The following CAMK4 variants were observed in gnomAD, a reference collection of about 807,000 sequenced individuals.
CAMK4 encodes calcium/calmodulin dependent protein kinase IV.
A neutral mutation model predicts 44.9 loss-of-function variants in CAMK4; 22 were observed. The observed-to-expected ratio is 0.49, with a 90% CI of 0.35 to 0.70. The LOEUF is 0.70. Among genes scored for constraint, CAMK4 ranks in the 30% least tolerant of loss-of-function variants. The pLI, the probability that CAMK4 is intolerant of heterozygous loss-of-function variation, is 0.01. For synonymous variants in CAMK4, 218 were observed against 215.4 expected, an observed-to-expected ratio of 1.01 and a Z score of -0.11; for missense variants, 498 against 586.8, an observed-to-expected ratio of 0.85 and a Z score of 1.56.
rs1749080633 is a variant in CAMK4, at chr5:111,243,147, G to A, written c.161+18503G>A. Among the ~76,000 whole-genome samples the A allele has an allele frequency of 2.6e-5, 4 of 152,174 alleles. 1 individual carries two copies. The South Asian group carries it at 8.3e-4, about 32-fold the overall frequency. On this transcript the variant is annotated intron_variant, in intron 1 of 10. Coordinates refer to ENST00000282356, the MANE Select transcript of CAMK4 (RefSeq NM_001744.6). The stretch of plus-strand genomic sequence containing the variant: ...TCAGGACCATTGAATAGGGACCACT[G>A]CAATGGGGTCCTGCAGTGGGGAAGA...
chr5:111,483,937 C>A, intron 10 of CAMK4, 89 bp from the exon 11 acceptor site: 5 of 1,014,214 alleles, frequency 4.9e-6, no homozygotes, highest in Non-Finnish European at 7.1e-6. Flanking sequence ...ACCTATAAAA[C>A]GGAATCCCTA....
chr5:111,461,171 TCACTC>T (rs1384278992), intron 7 of CAMK4, among the ~76,000 whole-genome samples: 1 of 152,180 alleles, frequency 6.6e-6, no homozygotes, highest in Non-Finnish European at 1.5e-5. Context: ...TTTTCTTTTC[TCACTC>T]CACTCAAGTC....
chr5:111,317,825 G>A (rs1748489474), intron 1 of CAMK4, among the ~76,000 whole-genome samples: 1 of 134,194 alleles, frequency 7.5e-6, no homozygotes, highest in South Asian at 2.5e-4. Flanking sequence ...AACGGGCCCT[G>A]TATTGTCTGA....
In CAMK4 at chr5:111,488,420, C is replaced by T. The variant is rs1261747839; in HGVS notation, c.*3954C>T. 2.0e-5 allele frequency: 3 copies of T among 152,164 alleles called. No individual in the cohort carries two copies. Among genetic ancestry groups the T allele is most frequent in the Non-Finnish European group, 4.4e-5 (3 of 68,008 alleles). 9.4% of individuals were successfully genotyped at this position (152,164 alleles called of 1,614,324 possible). A position where few individuals can be genotyped will look rare whatever the true frequency, so the allele number is the denominator to read the frequency against. Reference sequence around the variant, plus strand: ...AGAATAATCCTCAAGGTTCTATAGTCATTTTTAGTGGAAGACTTAAAAAGA... The same window carrying T: ...AGAATAATCCTCAAGGTTCTATAGTTATTTTTAGTGGAAGACTTAAAAAGA... On this transcript the variant is annotated 3_prime_UTR_variant, in exon 11 of 11. Coordinates refer to ENST00000282356, the MANE Select transcript of CAMK4 (RefSeq NM_001744.6).
chr5:111,398,312 C>A (rs1752095978), intron 5 of CAMK4, among the ~76,000 whole-genome samples: 1 of 152,180 alleles, frequency 6.6e-6, no homozygotes, highest in Non-Finnish European at 1.5e-5. Context: ...CTAGTCCAGT[C>A]AGCTGTGGAT....
chr5:111,296,722 C>T (rs1219613964), intron 1 of CAMK4, among the ~76,000 whole-genome samples: 1 of 152,036 alleles, frequency 6.6e-6, no homozygotes. Flanking sequence ...AGAACACAAC[C>T]CTCAGGTTAT....
chr5:111,434,224 C>T (rs981047064), intron 5 of CAMK4, among the ~76,000 whole-genome samples: 2 of 147,558 alleles, frequency 1.4e-5, no homozygotes, highest in African/African-American at 2.5e-5. Flanking sequence ...ATCTGGGAGG[C>T]GGAGGTTGCA....
chr5:111,402,667 T>A (rs756654742), intron 5 of CAMK4, among the ~76,000 whole-genome samples: 15 of 152,228 alleles, frequency 9.9e-5, no homozygotes, highest in Non-Finnish European at 1.9e-4. Context: ...GGCAAGGTCA[T>A]ATTACCTGAC....
chr5:111,365,499 A>C (rs1750757495), intron 2 of CAMK4, among the ~76,000 whole-genome samples: 1 of 114,148 alleles, frequency 8.8e-6, no homozygotes, highest in Non-Finnish European at 1.8e-5. Flanking sequence ...ATACATGCTA[A>C]AATGTTCAGT....
chr5:111,238,845 G>T (rs1580463925), intron 1 of CAMK4, among the ~76,000 whole-genome samples: 1 of 131,908 alleles, frequency 7.6e-6, no homozygotes, highest in African/African-American at 2.9e-5. Flanking sequence ...TTAACAGGAG[G>T]TGGGCTCCCT....
intron 7 of CAMK4, among the ~76,000 whole-genome samples, chr5:111,464,143 C>A (rs1472190161): frequency 1.3e-5 from 2 of 151,598 alleles, no homozygotes; most frequent in African/African-American, 4.8e-5. Context: ...AATAAAAAAA[C>A]AATCACAACT....
intron 9 of CAMK4, among the ~76,000 whole-genome samples, chr5:111,480,733 T>C (rs1167253506): frequency 6.6e-6 from 1 of 152,162 alleles, no homozygotes; most frequent in East Asian, 1.9e-4. Context: ...TCTAGGTCGT[T>C]GTGAGAATTA....
At chr5:111,259,284 T>TA (rs1014664841) in intron 1 of CAMK4, among the ~76,000 whole-genome samples, 3 of 152,198 alleles carry the variant, frequency 2.0e-5, no homozygotes, top group African/African-American at 7.2e-5. Context: ...ACTGACAACT[T>TA]AAGAGTCTCT....
Position 111,491,442 on chromosome 5 carries a change from T to G in CAMK4, c.*6976T>G, listed in dbSNP as rs1755830089. The G allele has an allele frequency of 6.6e-6, 1 of 152,118 alleles. No individual in the cohort carries two copies. Among genetic ancestry groups the G allele is most frequent in the Non-Finnish European group, 1.5e-5 (1 of 68,020 alleles). The allele number at this position is 152,118 out of a possible 1,614,324, so 9.4% of individuals were successfully genotyped here. On this transcript the variant is annotated 3_prime_UTR_variant, in exon 11 of 11. Transcript: ENST00000282356. ...CTATATTCCAGTTTGTTTTTTTTTT[T>G]TTCTCCTTAGCTTAAGGTTCGTATT...
At chr5:111,447,827 A>G (rs1473117275) in intron 6 of CAMK4, among the ~76,000 whole-genome samples, 2 of 152,216 alleles carry the variant, frequency 1.3e-5, no homozygotes, top group Non-Finnish European at 2.9e-5. Context: ...TAAGGAAAAA[A>G]TCCTGAAAGT....
rs1365850863 is a variant in CAMK4, at chr5:111,492,766, A to G, written c.*8300A>G. 1 of 152,200 alleles carries G rather than the reference A, an allele frequency of 6.6e-6. No homozygotes were observed. The highest frequency in any genetic ancestry group is 2.4e-5 in the African/African-American group (1 of 41,466). The allele number at this position is 152,200 out of a possible 1,614,324, so 9.4% of individuals were successfully genotyped here. ...AGGAGTCAAAGATGAATTAAATCCA[A>G]TGCTATCCTCCAGGAGTGAGCTTTG... On this transcript the variant is annotated 3_prime_UTR_variant, in exon 11 of 11. Transcript: ENST00000282356.
intron 1 of CAMK4, among the ~76,000 whole-genome samples, chr5:111,276,613 A>G (rs1750770707): frequency 6.6e-6 from 1 of 152,046 alleles, no homozygotes; most frequent in Admixed American, 6.6e-5. Flanking sequence ...TTTTTTTTAT[A>G]CTTTCTTGTT....
intron 1 of CAMK4, among the ~76,000 whole-genome samples, chr5:111,286,356 A>T (rs980438881): frequency 6.6e-6 from 1 of 152,182 alleles, no homozygotes; most frequent in Non-Finnish European, 1.5e-5. Flanking sequence ...TTTTACTTGA[A>T]AATGTATAGT....
At chr5:111,268,184 T>G (rs1257400752) in intron 1 of CAMK4, among the ~76,000 whole-genome samples, 1 of 152,236 alleles carries the variant, frequency 6.6e-6, no homozygotes, top group East Asian at 1.9e-4. Context: ...GCGATTCTCC[T>G]TTTATATATT....
Sources: gnomAD v4.1 joint callset for allele counts (sites outside exome capture counted in the v4.1 genomes callset) on GRCh38, gnomAD v4.1.1 for gene constraint, MANE v1.5 for transcripts, NCBI Gene and HGNC (gene_info 2026-07-23, HGNC 2026-07-21) for gene names.